CNTN3: variants seen among roughly 807,000 people sequenced by gnomAD.
CNTN3 encodes the protein contactin-3.
Under a neutral mutation model 119.1 loss-of-function variants are expected in CNTN3, and 60 were observed. The observed-to-expected ratio is 0.50, with a 90% CI of 0.41 to 0.62. The LOEUF (loss-of-function observed/expected upper bound fraction) is 0.62, where lower values mean the gene tolerates loss of function less well. CNTN3 is among the 20% of genes least tolerant of loss of function. The pLI is 0.00. For missense variants in CNTN3, 1,101 were observed against 1,242.4 expected, an observed-to-expected ratio of 0.89 and a Z score of 1.71; for synonymous variants, 450 against 438.7, an observed-to-expected ratio of 1.03 and a Z score of -0.32.
At position 74,264,362 on chromosome 3, in the gene CNTN3, C is replaced by T. The variant is rs773305914; in HGVS notation, c.*39G>A. ...TTCATGAAAGCACTTTTTTTGGTAA[C>T]CAAATAACTTTCCAATAAATAATAA... is the stretch of plus-strand genomic sequence containing the variant. On this transcript the variant is annotated 3_prime_UTR_variant, in exon 23 of 23. Coordinates refer to ENST00000263665, the MANE Select transcript of CNTN3 (RefSeq NM_020872.3). 13 of 1,208,610 alleles carry T rather than the reference C, an allele frequency of 1.1e-5. No individual in the cohort carries two copies. The highest frequency in any genetic ancestry group is 1.1e-5 in the Non-Finnish European group (10 of 896,038). 74.9% of individuals were successfully genotyped at this position (1,208,610 alleles called of 1,614,324 possible). A position where few individuals can be genotyped will look rare whatever the true frequency, so the allele number is the denominator to read the frequency against.
intron 11 of CNTN3, among the ~76,000 whole-genome samples, chr3:74,351,884 T>C (rs1309343123): frequency 2.0e-5 from 3 of 152,164 alleles, no homozygotes; most frequent in African/African-American, 4.8e-5. Flanking sequence ...ATGGGAGTTA[T>C]TGGCAAAGGA....
In CNTN3 at chr3:74,335,662, C is replaced by G. The variant is rs570514417; in HGVS notation, c.1493-752G>C. On this transcript the variant is annotated intron_variant, in intron 12 of 22. Transcript: ENST00000263665. Reference sequence around the variant, plus strand: ...TTGGTCCTCCCAACCCCCGTCCTCACCAAGGTCCTCATAACCATCCTGCTG... The same window carrying G: ...TTGGTCCTCCCAACCCCCGTCCTCAGCAAGGTCCTCATAACCATCCTGCTG... Among the ~76,000 whole-genome samples the G allele has an allele frequency of 3.3e-5, 5 of 152,232 alleles. No individual in the cohort carries two copies. The South Asian group carries it at 1.0e-3, about 32-fold the overall frequency.
chr3:74,316,093 T>C (rs1339196796), intron 13 of CNTN3, among the ~76,000 whole-genome samples: 4 of 152,096 alleles, frequency 2.6e-5, no homozygotes, highest in Non-Finnish European at 5.9e-5. Flanking sequence ...AAAGTAAGTA[T>C]CCAATAAATG....
intron 4 of CNTN3, among the ~76,000 whole-genome samples, chr3:74,446,683 GTT>G (rs10669743): frequency 9.0e-4 from 123 of 136,932 alleles, no homozygotes; most frequent in Admixed American, 1.1e-3. Context: ...AATTTTACTT[GTT>G]TTTTTTTTTT....
intron 19 of CNTN3, among the ~76,000 whole-genome samples, chr3:74,290,382 G>A (rs1702202160): frequency 6.6e-6 from 1 of 152,054 alleles, no homozygotes; most frequent in Non-Finnish European, 1.5e-5. Context: ...TAATCTTAGG[G>A]GACCACTGTT....
intron 19 of CNTN3, among the ~76,000 whole-genome samples, chr3:74,285,788 GAGATATATATATATATAT>G (rs1702099465): frequency 1.2e-5 from 1 of 84,632 alleles, no homozygotes; most frequent in Non-Finnish European, 2.4e-5. Flanking sequence ...GAATGAAGGG[GAGATATATATATATATAT>G]ATATATATAT....
At chr3:74,275,833 A>T (rs1701868592) in intron 20 of CNTN3, among the ~76,000 whole-genome samples, 1 of 152,196 alleles carries the variant, frequency 6.6e-6, no homozygotes, top group Admixed American at 6.5e-5. Flanking sequence ...GCTCCACTTA[A>T]AAGATACAGA....
rs117351404 is a variant in CNTN3, at chr3:74,549,487, G to C, written c.-80-28295C>G. 3.2e-4 allele frequency among the ~76,000 whole-genome samples: 48 copies of C among 152,220 alleles called. 2 individuals carry two copies. The East Asian group carries it at 9.3e-3, about 29-fold the overall frequency. ...ATAGGGCAAGTATATTAGAGGCCTT[G>C]ACATGTGTTCCAAAAGATGGATGGA... is the stretch of plus-strand genomic sequence containing the variant. On this transcript the variant is annotated intron_variant, in intron 1 of 22. Transcript: ENST00000263665.
intron 11 of CNTN3, among the ~76,000 whole-genome samples, chr3:74,348,078 T>A (rs576549346): frequency 6.6e-6 from 1 of 152,198 alleles, no homozygotes; most frequent in African/African-American, 2.4e-5. Flanking sequence ...GGTTCTGTTA[T>A]GCAGACTGAG....
chr3:74,447,575 C>A (rs930023892), intron 4 of CNTN3, among the ~76,000 whole-genome samples: 1 of 152,048 alleles, frequency 6.6e-6, no homozygotes, highest in African/African-American at 2.4e-5. Flanking sequence ...ATAAGACCTA[C>A]TAAGATGCTC....
chr3:74,457,247 C>G (rs6764494), intron 4 of CNTN3, among the ~76,000 whole-genome samples: 107,744 of 151,888 alleles, frequency 0.71, 38,588 homozygotes, highest in African/African-American at 0.8. Flanking sequence ...TTGATTGTTT[C>G]CAAAAGTCTA....
intron 4 of CNTN3, among the ~76,000 whole-genome samples, chr3:74,464,538 C>T (rs982169716): frequency 7.9e-5 from 12 of 152,052 alleles, no homozygotes; most frequent in Admixed American, 3.9e-4. Flanking sequence ...CTGCCAAGCC[C>T]CAGAGTGCTT....
At chr3:74,387,512 C>T (rs1026292805) in intron 5 of CNTN3, among the ~76,000 whole-genome samples, 9 of 152,196 alleles carry the variant, frequency 5.9e-5, no homozygotes, top group African/African-American at 1.4e-4. Context: ...CTAAATTAAT[C>T]GGACAGAGCT....
intron 1 of CNTN3, among the ~76,000 whole-genome samples, chr3:74,600,634 T>C (rs544205478): frequency 6.6e-6 from 1 of 152,216 alleles, no homozygotes; most frequent in Admixed American, 6.5e-5. Flanking sequence ...TCTATTACTT[T>C]AGATTCAAAA....
intron 4 of CNTN3, among the ~76,000 whole-genome samples, chr3:74,469,894 C>T (rs1370884799): frequency 6.6e-6 from 1 of 152,090 alleles, no homozygotes; most frequent in Non-Finnish European, 1.5e-5. Context: ...TGCATACAAA[C>T]ATGTAAACAA....
chr3:74,293,567 T>C (rs1481645835), intron 19 of CNTN3, among the ~76,000 whole-genome samples: 1 of 152,148 alleles, frequency 6.6e-6, no homozygotes, highest in Admixed American at 6.5e-5. Flanking sequence ...CTCGACCTCC[T>C]GGGCTCAAGC....
chr3:74,545,188 G>T (rs1390325276), intron 1 of CNTN3, among the ~76,000 whole-genome samples: 1 of 152,056 alleles, frequency 6.6e-6, no homozygotes, highest in Non-Finnish European at 1.5e-5. Flanking sequence ...CTGCAATTAA[G>T]TATCTATTAC....
intron 1 of CNTN3, among the ~76,000 whole-genome samples, chr3:74,567,697 G>T (rs578225903): frequency 2.6e-5 from 4 of 152,024 alleles, no homozygotes; most frequent in East Asian, 3.9e-4. Context: ...GCTGACAGTC[G>T]ATGATGCTTC....
chr3:74,570,812 G>A (rs1704321073), intron 1 of CNTN3, among the ~76,000 whole-genome samples: 1 of 152,174 alleles, frequency 6.6e-6, no homozygotes, highest in Non-Finnish European at 1.5e-5. Context: ...AGAGATGGAT[G>A]TGGGCTTCTA....
Sources: gnomAD v4.1 joint callset for allele counts (sites outside exome capture counted in the v4.1 genomes callset) on GRCh38, gnomAD v4.1.1 for gene constraint, MANE v1.5 for transcripts, NCBI Gene and HGNC (gene_info 2026-07-23, HGNC 2026-07-21) for gene names.